TNKS1BP1: variants seen among roughly 807,000 people sequenced by gnomAD.
The protein encoded by TNKS1BP1 is 182 kDa tankyrase-1-binding protein.
Under a neutral mutation model 141.1 loss-of-function variants are expected in TNKS1BP1, and 48 were observed. The observed-to-expected ratio is 0.34, with a 90% CI of 0.27 to 0.43. TNKS1BP1 has a LOEUF of 0.43. TNKS1BP1 is among the 20% of genes least tolerant of loss of function. The pLI is 1.00. For synonymous variants in TNKS1BP1, 875 were observed against 898.2 expected (o/e 0.97, Z 0.46); for missense variants, 2,149 against 2,226.0 (o/e 0.97, Z 0.70).
chr11:57,313,156 T>C lies in TNKS1BP1; in HGVS notation c.1532A>G (p.Glu511Gly). ...GCTGGAAACGGCCAAGTTGCCAGCCTCAGCAGCCTCGGCGGCCTCACTGGC... is the reference window on the plus strand; with the variant it reads ...GCTGGAAACGGCCAAGTTGCCAGCCCCAGCAGCCTCGGCGGCCTCACTGGC... ...TEASEAAEAA[E>G]AGNLAVSSRE... The change falls in exon 5 of 12, where the codon GAG (glutamate) becomes GGG (glycine). Residue 511 changes from glutamate to glycine, a missense_variant. Glu to Gly is a moderately conservative substitution (Grantham distance 98, BLOSUM62 -2). Coordinates refer to ENST00000358252, the MANE Select transcript of TNKS1BP1 (RefSeq NM_033396.3). 1.2e-6 allele frequency: 2 copies of C among 1,612,944 alleles called. No homozygotes were observed. The highest frequency in any genetic ancestry group is 1.1e-5 in the South Asian group (1 of 91,086).
intron 5 of TNKS1BP1, 78 bp downstream of exon 5, chr11:57,312,456 C>G: frequency 2.9e-6 from 4 of 1,370,136 alleles, no homozygotes; most frequent in African/African-American, 1.5e-5. Flanking sequence ...CATGTAAAAT[C>G]CATGTTCAAA....
chr11:57,318,042 G>A lies in TNKS1BP1; in HGVS notation c.729-155C>T, dbSNP rs145957902. On this transcript the variant is annotated intron_variant, in intron 3 of 11. Coordinates refer to ENST00000358252, the MANE Select transcript of TNKS1BP1 (RefSeq NM_033396.3). ...TTGAGCCCTGCCTGCAACTATTAGGGACACAGAATCTGTCCATTTTCCATT... is the reference window on the plus strand; with the variant it reads ...TTGAGCCCTGCCTGCAACTATTAGGAACACAGAATCTGTCCATTTTCCATT... Among the ~76,000 whole-genome samples the A allele has an allele frequency of 1.9e-4, 29 of 152,296 alleles. No homozygotes were observed. The East Asian group carries it at 5.6e-3, about 29-fold the overall frequency.
At chr11:57,319,132 G>A (rs1439073139) in intron 3 of TNKS1BP1, among the ~76,000 whole-genome samples, 7 of 140,774 alleles carry the variant, frequency 5.0e-5, no homozygotes, top group Admixed American at 1.5e-4. Context: ...ATGACAGAGC[G>A]AGACTCCGTC....
At chr11:57,324,545 G>T (rs1855935593) in intron 1 of TNKS1BP1, among the ~76,000 whole-genome samples, 1 of 151,268 alleles carries the variant, frequency 6.6e-6, no homozygotes, top group Non-Finnish European at 1.5e-5. Flanking sequence ...CCCTCCAGCG[G>T]CTCTGCCCGC....
Position 57,313,211 on chromosome 11 carries a change from C to A in TNKS1BP1, c.1477G>T (p.Asp493Tyr), listed in dbSNP as rs1184984935. The stretch of plus-strand genomic sequence containing the variant: ...GTGATGGGGGAGGGAGGCGGGGAGT[C>A]CAGCCGCCACACGCCCAGACCCGAG... ...RPSGLGVWRL[D>Y]SPPPSPITEA... is the part of the protein sequence containing the mutation. Residue 493 changes from aspartate (D) to tyrosine (Y), a missense_variant, in exon 5 of 12, where the codon GAC becomes TAC. By Grantham distance (160) the Asp-to-Tyr change is radical (BLOSUM62 -3). Transcript: ENST00000358252. 4 of 1,612,380 alleles carry A rather than the reference C, an allele frequency of 2.5e-6. No homozygotes were observed. The African/African-American group carries it at 5.3e-5, about 22-fold the overall frequency.
chr11:57,321,879 C>T lies in TNKS1BP1; in HGVS notation c.7G>A (p.Val3Met). 6.2e-7 allele frequency: 1 copy of T among 1,614,086 alleles called. No homozygotes were observed. The highest frequency in any genetic ancestry group is 1.3e-5 in the African/African-American group (1 of 75,026). MK[V>M]STLRESSAMA... ...GCTGAGCTTTCCCTGAGAGTAGACA[C>T]TTTCATCACATGCGGCAGACCCTCC... Residue 3 changes from valine to methionine, a missense_variant, in exon 2 of 12, where the codon GTG becomes ATG. Transcript: ENST00000358252.
chr11:57,309,965 C>G lies in TNKS1BP1; in HGVS notation c.2746G>C (p.Gly916Arg). Reference protein sequence around the residue: ...GQDLGKRDHHGRYSSQDADEQ... With the variant: ...GQDLGKRDHHRRYSSQDADEQ... The stretch of plus-strand genomic sequence containing the variant: ...TCGGCATCCTGGCTGCTGTACCTAC[C>G]ATGGTGGTCCCTCTTCCCCAAATCT... Residue 916 changes from glycine (G) to arginine (R), a missense_variant, in exon 6 of 12, where the codon GGT (glycine) becomes CGT (arginine). Transcript: ENST00000358252. This position sits in a 1 kb window ranked among gnomAD's most constrained non-coding sequence, Gnocchi z 4.3. The G allele has an allele frequency of 6.2e-7, 1 of 1,614,098 alleles. No homozygotes were observed. The highest frequency in any genetic ancestry group is 1.1e-5 in the South Asian group (1 of 91,086).
rs564481637 is a variant in TNKS1BP1 at position 57,311,318 on chromosome 11, G to A, written c.2155-762C>T. The A allele has an allele frequency of 2.9e-4, 282 of 985,734 alleles. No homozygotes were observed. In the Middle Eastern group the frequency reaches 3.7e-3, roughly 13 times the overall value. The allele number at this position is 985,734 out of a possible 1,614,324, so 61.1% of individuals were successfully genotyped here. On this transcript the variant is annotated intron_variant, in intron 5 of 11. Transcript: ENST00000358252. ...CTCAGCGCAGCGTTGGCCAGCAGCC[G>A]CTCCAGGATAGACATGCTGGCCTCC... is the stretch of plus-strand genomic sequence containing the variant.
At position 57,313,477 on chromosome 11, in the gene TNKS1BP1, A is replaced by AACGTC; in HGVS notation, c.1206_1210dup (p.Phe404Ter). ...GGCCTCCTCCTCCCCGCCAGATGGA[A>AACGTC]ACGTCCGAGTGAGATCCAGCAACTC... On this transcript the variant is annotated stop_gained and frameshift_variant, in exon 5 of 12. Coordinates refer to ENST00000358252, the MANE Select transcript of TNKS1BP1 (RefSeq NM_033396.3). LOFTEE classifies it high-confidence loss of function. 1 of 1,586,170 alleles carries AACGTC rather than the reference A, an allele frequency of 6.3e-7. No homozygotes were observed.
In TNKS1BP1 at chr11:57,301,291, G is replaced by T. The variant is rs910426226; in HGVS notation, c.4972-250C>A. ...ATTCAGACAAACTGGGTGGGACAAA[G>T]CCAGTGGTGACTTCCCACCCCTGTT... On this transcript the variant is annotated intron_variant, in intron 9 of 11. Coordinates refer to ENST00000358252, the MANE Select transcript of TNKS1BP1 (RefSeq NM_033396.3). 9.2e-5 allele frequency among the ~76,000 whole-genome samples: 14 copies of T among 152,180 alleles called. No individual in the cohort carries two copies. In the East Asian group the frequency reaches 1.9e-3, roughly 21 times the overall value.
At chr11:57,300,465 C>A (rs572134116) in intron 11 of TNKS1BP1, 63 bp downstream of exon 11, 1 of 1,492,466 alleles carries the variant, frequency 6.7e-7, no homozygotes, top group East Asian at 2.3e-5. Context: ...GGGCATGAGG[C>A]CTCCGAAGCC....
intron 2 of TNKS1BP1, 48 bp downstream of exon 2, chr11:57,321,744 T>TGCCCCCC: frequency 4.8e-6 from 5 of 1,039,802 alleles, no homozygotes; most frequent in East Asian, 2.5e-5. Flanking sequence ...CCTCTGTCCT[T>TGCCCCCC]CCCACCCCCC....
At chr11:57,318,746 C>G (rs35818468) in intron 3 of TNKS1BP1, among the ~76,000 whole-genome samples, 4,943 of 152,364 alleles carry the variant, frequency 0.032, 101 homozygotes, top group Non-Finnish European at 0.045. Flanking sequence ...CACCTCCTGG[C>G]CAGCCTTGCT....
rs748607611 is a variant in TNKS1BP1 at position 57,320,494 on chromosome 11, C to T, written c.313G>A (p.Val105Ile). ...RPLPFAPRPA[V>I]EASTGGEATQ... ...GCTTCTCCTCCAGTGGAGGCCTCAA[C>T]CGCAGGCCTTGGTGCAAAGGGAAGG... Residue 105 changes from valine to isoleucine, a missense_variant, in exon 3 of 12, where the codon GTT becomes ATT. Transcript: ENST00000358252. 6.2e-7 allele frequency: 1 copy of T among 1,609,654 alleles called. No individual in the cohort carries two copies. Among genetic ancestry groups the T allele is most frequent in the African/African-American group, 1.3e-5 (1 of 74,866 alleles).
Position 57,308,764 on chromosome 11 carries a change from CCCAGATTGTTA to C in TNKS1BP1, c.3936_3946del (p.Asn1313ProfsTer9), listed in dbSNP as rs1855653885. Reference sequence around the variant, plus strand: ...ACAGGTCACCTCCAAATCCCTCAGGCCCAGATTGTTACCCCAGTCCATCTGGCCCACCCCAA... The same window carrying C: ...ACAGGTCACCTCCAAATCCCTCAGGCCCCCAGTCCATCTGGCCCACCCCAA... On this transcript the variant is annotated frameshift_variant, in exon 6 of 12. Transcript: ENST00000358252. LOFTEE classifies it high-confidence loss of function. The C allele has an allele frequency of 6.2e-7, 1 of 1,613,910 alleles. No individual in the cohort carries two copies. Among genetic ancestry groups the C allele is most frequent in the Non-Finnish European group, 8.5e-7 (1 of 1,180,016 alleles).
Position 57,309,226 on chromosome 11 carries a change from G to A in TNKS1BP1, c.3485C>T (p.Thr1162Ile), listed in dbSNP as rs150429884. 1.7e-5 allele frequency: 28 copies of A among 1,614,154 alleles called. No individual in the cohort carries two copies. In the East Asian group the frequency reaches 6.2e-4, roughly 36 times the overall value. ...CAAGTTCCTGAGACCCAGCTGGTCAGTCCAGTCCACCGAGCCAGCTGTGGT... is the reference window on the plus strand; with the variant it reads ...CAAGTTCCTGAGACCCAGCTGGTCAATCCAGTCCACCGAGCCAGCTGTGGT... Reference protein sequence around the residue: ...GKTTAGSVDWTDQLGLRNLEV... With the variant: ...GKTTAGSVDWIDQLGLRNLEV... The change falls in exon 6 of 12, where the codon ACT becomes ATT. Residue 1162 changes from threonine (T) to isoleucine (I), a missense_variant. Physicochemically the swap from Thr to Ile is moderately conservative, Grantham distance 89. Transcript: ENST00000358252. The surrounding 1 kb of genome is among the most constrained non-coding windows in gnomAD (Gnocchi z 4.3).
At chr11:57,322,267 C>T (rs764763062) in intron 1 of TNKS1BP1, 410 of 1,036,222 alleles carry the variant, frequency 4.0e-4, no homozygotes, top group Non-Finnish European at 4.5e-4. Context: ...GGTAGGACGG[C>T]CCCGCTGGAG....
Position 57,321,793 on chromosome 11 carries a change from T to C in TNKS1BP1, c.93A>G (p.Pro31=). The change falls in exon 2 of 12, where the codon CCA becomes CCG. Residue 31 remains proline, a splice_region_variant and synonymous_variant. Transcript: ENST00000358252. ...EEELVPTGSE[P]GDTRAKPPVK... The stretch of plus-strand genomic sequence containing the variant: ...GCTCCACCCTGCACCCATTGGTACC[T>C]GGCTCAGAGCCAGTAGGCACCAGCT... 7 of 1,438,930 alleles carry C rather than the reference T, an allele frequency of 4.9e-6. No homozygotes were observed. The highest frequency in any genetic ancestry group is 1.1e-5 in the South Asian group (1 of 88,306). The allele number at this position is 1,438,930 out of a possible 1,614,324, so 89.1% of individuals were successfully genotyped here. A position where few individuals can be genotyped will look rare whatever the true frequency, so the allele number is the denominator to read the frequency against.
In TNKS1BP1 at chr11:57,308,987, C is replaced by G. The variant is rs376653529; in HGVS notation, c.3724G>C (p.Gly1242Arg). ...GCCTGGCTGTGGCCTCCTCCCTCCC[C>G]GACCTCAGCCAAATCTTTGCTCTTC... ...NVKSKDLAEV[G>R]EGGGHSQARE... Residue 1242 changes from glycine (G) to arginine (R), a missense_variant, in exon 6 of 12, where the codon GGG becomes CGG. Transcript: ENST00000358252. The G allele has an allele frequency of 1.9e-6, 3 of 1,614,164 alleles. No homozygotes were observed. The highest frequency in any genetic ancestry group is 2.5e-6 in the Non-Finnish European group (3 of 1,180,014).
Sources: gnomAD v4.1 joint callset for allele counts (sites outside exome capture counted in the v4.1 genomes callset) on GRCh38, gnomAD v4.1.1 for gene constraint, Gnocchi (gnomAD v3.1) non-coding constraint, MANE v1.5 for transcripts, NCBI Gene and HGNC (gene_info 2026-07-23, HGNC 2026-07-21) for gene names.